The following PMS1 variants were observed in gnomAD, a reference collection of about 807,000 sequenced individuals.
The protein encoded by PMS1 is PMS1 homolog 1, mismatch repair system component.
Under a neutral mutation model 93.1 loss-of-function variants are expected in PMS1, and 79 were observed. The ratio of observed to expected loss-of-function variants is 0.85; its 90% CI spans 0.71 to 1.02. The LOEUF (loss-of-function observed/expected upper bound fraction) is 1.02. Among genes scored for constraint, PMS1 ranks in the 50% least tolerant of loss-of-function variants. PMS1 has a pLI of 0.00. For synonymous variants in PMS1, 335 were observed against 363.4 expected (o/e 0.92, Z 0.89); for missense variants, 1,064 against 1,085.3 (o/e 0.98, Z 0.28).
intron 6 of PMS1, among the ~76,000 whole-genome samples, chr2:189,848,714 G>A (rs2054450971): frequency 6.6e-6 from 1 of 152,072 alleles, no homozygotes; most frequent in Non-Finnish European, 1.5e-5. Flanking sequence ...AAACTTTTGA[G>A]TGTCTCTCTG....
At position 189,797,376 on chromosome 2, in the gene PMS1, G is replaced by A. The variant is rs543655857; in HGVS notation, c.315+1425G>A. ...GTACCAATTATACTACGCTGCCTCT[G>A]CCCCAGATCTTATAACTAGTTTGTA... On this transcript the variant is annotated intron_variant, in intron 3 of 12. Transcript: ENST00000441310. 2.0e-5 allele frequency among the ~76,000 whole-genome samples: 3 copies of A among 152,286 alleles called. No homozygotes were observed. The South Asian group carries it at 6.2e-4, about 32-fold the overall frequency.
intron 3 of PMS1, among the ~76,000 whole-genome samples, chr2:189,801,476 A>G (rs906882967): frequency 6.6e-6 from 1 of 152,244 alleles, no homozygotes; most frequent in Non-Finnish European, 1.5e-5. Context: ...TTCCTATCAC[A>G]TAATAAAAAA....
chr2:189,814,288 T>C (rs1318686145), intron 4 of PMS1, among the ~76,000 whole-genome samples: 2 of 151,852 alleles, frequency 1.3e-5, no homozygotes, highest in African/African-American at 2.4e-5. Flanking sequence ...GGAAATGCTC[T>C]ATATAAAAAT....
chr2:189,843,349 C>A (rs1012777167), intron 5 of PMS1, among the ~76,000 whole-genome samples: 1 of 152,150 alleles, frequency 6.6e-6, no homozygotes, highest in Non-Finnish European at 1.5e-5. Flanking sequence ...AACATACTCG[C>A]AGTGAAAAAA....
intron 11 of PMS1, among the ~76,000 whole-genome samples, chr2:189,871,624 A>G (rs912120834): frequency 1.4e-4 from 21 of 152,130 alleles, no homozygotes; most frequent in African/African-American, 5.1e-4. Flanking sequence ...ACTTTCCCTC[A>G]TCTTCCTGTC....
chr2:189,839,399 A>G (rs961383309), intron 5 of PMS1, among the ~76,000 whole-genome samples: 2 of 152,298 alleles, frequency 1.3e-5, no homozygotes, highest in South Asian at 2.1e-4. Flanking sequence ...TATTTTCCCA[A>G]TTAGATTTAT....
At chr2:189,874,312 C>G (rs5743189) in intron 12 of PMS1, among the ~76,000 whole-genome samples, 7,467 of 152,144 alleles carry the variant, frequency 0.049, 295 homozygotes, top group African/African-American at 0.1. Context: ...ATATTACATA[C>G]TTGTCTAAAA....
At position 189,793,832 on chromosome 2, in the gene PMS1, C is replaced by A. The variant is rs964198149; in HGVS notation, c.132+1891C>A. Among the ~76,000 whole-genome samples the A allele has an allele frequency of 6.6e-5, 10 of 152,160 alleles. 1 individual carries two copies. Among genetic ancestry groups the A allele is most frequent in the African/African-American group, 2.4e-4 (10 of 41,448 alleles). On this transcript the variant is annotated intron_variant, in intron 2 of 12. Coordinates refer to ENST00000441310, the MANE Select transcript of PMS1 (RefSeq NM_000534.5). The stretch of plus-strand genomic sequence containing the variant: ...TGGCTCTACATGATAAGACCTGTTT[C>A]ATTATGGTTTTATGCTATAATAGCT...
intron 4 of PMS1, among the ~76,000 whole-genome samples, chr2:189,810,761 T>C (rs1254534494): frequency 6.6e-6 from 1 of 152,182 alleles, no homozygotes; most frequent in African/African-American, 2.4e-5. Context: ...GATAAACTCC[T>C]AGTTAGATTG....
intron 9 of PMS1, among the ~76,000 whole-genome samples, chr2:189,856,686 T>C (rs1444900027): frequency 2.0e-5 from 3 of 152,058 alleles, no homozygotes; most frequent in African/African-American, 7.2e-5. Context: ...TGTCTGAGAA[T>C]AGGAAAAAAC....
chr2:189,841,805 A>G (rs986132307), intron 5 of PMS1, among the ~76,000 whole-genome samples: 1 of 104 alleles, frequency 9.6e-3, no homozygotes. Context: ...AACTTCACAC[A>G]TGTAGAATGG....
rs552554130 is a variant in PMS1, at chr2:189,830,442, G to A, written c.582+12262G>A. Among the ~76,000 whole-genome samples, 44 of 152,158 alleles carry A rather than the reference G, an allele frequency of 2.9e-4. No individual in the cohort carries two copies. The South Asian group carries it at 7.1e-3, about 24-fold the overall frequency. On this transcript the variant is annotated intron_variant, in intron 5 of 12. Coordinates refer to ENST00000441310, the MANE Select transcript of PMS1 (RefSeq NM_000534.5). ...TTAGGTCTTCACTTAAACTTTCTCC[G>A]TGAGGCTTTCTTTAGCCTTCCTAAA... is the stretch of plus-strand genomic sequence containing the variant.
intron 5 of PMS1, among the ~76,000 whole-genome samples, chr2:189,841,255 G>A (rs1167985891): frequency 6.6e-6 from 1 of 152,162 alleles, no homozygotes; most frequent in African/African-American, 2.4e-5. Flanking sequence ...AAAATAAACA[G>A]TAGTTTCTAG....
At chr2:189,841,745 C>CT (rs1241058894) in intron 5 of PMS1, among the ~76,000 whole-genome samples, 6 of 151,984 alleles carry the variant, frequency 3.9e-5, no homozygotes, top group Non-Finnish European at 5.9e-5. Context: ...AAACAAGACT[C>CT]TCCCAAGAGT....
chr2:189,864,287 A>G (rs989506712), intron 10 of PMS1, 59 bp downstream of exon 10: 4 of 1,149,340 alleles, frequency 3.5e-6, no homozygotes, highest in Non-Finnish European at 5.2e-6. Context: ...TTCATACTAG[A>G]TTAAAATCGA....
chr2:189,866,503 T>C (rs1331541116), intron 10 of PMS1, among the ~76,000 whole-genome samples: 2 of 152,204 alleles, frequency 1.3e-5, no homozygotes, highest in Non-Finnish European at 2.9e-5. Context: ...TATCCCACAA[T>C]GCGACAATGT....
chr2:189,807,066 T>C (rs1008388375), intron 4 of PMS1: 3 of 180,238 alleles, frequency 1.7e-5, no homozygotes, highest in Non-Finnish European at 2.4e-5. Context: ...GACTTCTGTC[T>C]TCATTTCATG....
intron 11 of PMS1, among the ~76,000 whole-genome samples, chr2:189,872,738 T>C (rs1188528719): frequency 6.6e-6 from 1 of 152,186 alleles, no homozygotes; most frequent in Non-Finnish European, 1.5e-5. Context: ...GATCAAGTGA[T>C]CCTCCCATCT....
At chr2:189,796,011 A>G (rs2049322715) in intron 3 of PMS1, 60 bp downstream of exon 3, 1 of 1,109,342 alleles carries the variant, frequency 9.0e-7, no homozygotes, top group Non-Finnish European at 1.4e-6. Context: ...TACAGTTAAA[A>G]CTAACCCAGT....
Sources: gnomAD v4.1 joint callset for allele counts (sites outside exome capture counted in the v4.1 genomes callset) on GRCh38, gnomAD v4.1.1 for gene constraint, MANE v1.5 for transcripts, NCBI Gene and HGNC (gene_info 2026-07-23, HGNC 2026-07-21) for gene names.